Variants in ITPR1 observed in about 807,000 individuals in gnomAD.
ITPR1 encodes the protein inositol 1,4,5-trisphosphate-gated calcium channel ITPR1.
ITPR1 carries 96 observed loss-of-function variants against 318.4 expected under a neutral mutation model. The observed-to-expected ratio is 0.30, with a 90% CI of 0.26 to 0.36. ITPR1 has a LOEUF of 0.36. ITPR1 is among the 10% of genes least tolerant of loss of function. The pLI, the probability that ITPR1 is intolerant of heterozygous loss-of-function variation, is 1.00. For synonymous variants in ITPR1, 1,312 were observed against 1,289.9 expected (o/e 1.02, Z -0.37); for missense variants, 2,440 against 3,460.2 (o/e 0.71, Z 7.40).
chr3:4,675,389 CTG>C (rs1235111049), intron 23 of ITPR1, 141 bp downstream of exon 23: 2 of 627,546 alleles, frequency 3.2e-6, no homozygotes, highest in African/African-American at 3.8e-5. Flanking sequence ...TTTTCAAATA[CTG>C]TGTAAAGAAA....
chr3:4,755,288 G>A (rs1035451837), intron 44 of ITPR1, among the ~76,000 whole-genome samples: 1 of 151,542 alleles, frequency 6.6e-6, no homozygotes, highest in Admixed American at 6.6e-5. Context: ...CTGCTTACCA[G>A]ATAGGGCAGA....
Position 4,676,813 on chromosome 3 carries a change from C to T in ITPR1, c.2967+12C>T. The T allele has an allele frequency of 1.2e-6, 2 of 1,604,722 alleles. No homozygotes were observed. The highest frequency in any genetic ancestry group is 1.7e-6 in the Non-Finnish European group (2 of 1,174,138). The stretch of plus-strand genomic sequence containing the variant: ...TTGAGATACTCCAGGTATCCACTAG[C>T]TGGAGCTGGGGTAGGGAGGGTATGT... On this transcript the variant is annotated intron_variant, in intron 24 of 61. Coordinates refer to ENST00000649015, the MANE Select transcript of ITPR1 (RefSeq NM_001378452.1).
chr3:4,542,051 G>T (rs540065828), intron 4 of ITPR1, among the ~76,000 whole-genome samples: 2 of 152,096 alleles, frequency 1.3e-5, no homozygotes, highest in African/African-American at 2.4e-5. Flanking sequence ...TTCATTGAGA[G>T]TTTAATTTGA....
intron 18 of ITPR1, among the ~76,000 whole-genome samples, chr3:4,668,654 G>C (rs1386801989): frequency 6.6e-6 from 1 of 152,080 alleles, no homozygotes; most frequent in East Asian, 1.9e-4. Context: ...TTTTAATAGA[G>C]ACGGGGTTTC....
chr3:4,781,734 G>A (rs2125396564), intron 49 of ITPR1, among the ~76,000 whole-genome samples: 1 of 152,306 alleles, frequency 6.6e-6, no homozygotes, highest in South Asian at 2.1e-4. Context: ...TGTAATTGCA[G>A]CACTTTGGGA....
chr3:4,688,927 C>T (rs193149368), intron 31 of ITPR1, among the ~76,000 whole-genome samples: 1 of 152,200 alleles, frequency 6.6e-6, no homozygotes, highest in Non-Finnish European at 1.5e-5. Context: ...CTAAATGTCT[C>T]TCCTGCCACC....
intron 35 of ITPR1, among the ~76,000 whole-genome samples, chr3:4,701,369 T>C (rs528091437): frequency 1.3e-5 from 2 of 152,292 alleles, no homozygotes; most frequent in East Asian, 3.9e-4. Flanking sequence ...TAGGAAGTGC[T>C]GGGGGTAAAT....
chr3:4,636,540 T>G (rs1444835893), intron 5 of ITPR1, among the ~76,000 whole-genome samples: 1 of 152,202 alleles, frequency 6.6e-6, no homozygotes, highest in East Asian at 1.9e-4. Context: ...GTGATTCTCC[T>G]GCCTCAGCCT....
intron 61 of ITPR1, among the ~76,000 whole-genome samples, chr3:4,844,111 G>A (rs569538653): frequency 2.8e-5 from 4 of 143,024 alleles, no homozygotes; most frequent in African/African-American, 1.0e-4. Flanking sequence ...AATAAGGGTT[G>A]AGCAGACCAA....
chr3:4,671,700 A>T (rs1207368825), intron 20 of ITPR1: 1 of 152,262 alleles, frequency 6.6e-6, no homozygotes, highest in African/African-American at 2.4e-5. Context: ...GAACCAATTA[A>T]TACTTTTAAA....
At chr3:4,510,211 C>A (rs1231064239) in intron 2 of ITPR1, among the ~76,000 whole-genome samples, 2 of 152,000 alleles carry the variant, frequency 1.3e-5, no homozygotes, top group Non-Finnish European at 2.9e-5. Context: ...GGGAACAGAG[C>A]ATGGTGGGGG....
rs1250013590 is a variant in ITPR1, at chr3:4,670,929, G to A, written c.2204+3G>A. 2 of 1,557,460 alleles carry A rather than the reference G, an allele frequency of 1.3e-6. No homozygotes were observed. The highest frequency in any genetic ancestry group is 2.3e-5 in the East Asian group (1 of 44,044). On this transcript the variant is annotated splice_donor_region_variant and intron_variant, in intron 20 of 61. Coordinates refer to ENST00000649015, the MANE Select transcript of ITPR1 (RefSeq NM_001378452.1). ...CGAGACGTTCTCAGCTACTACAGGTGCGTGGGACACGTGTGGGGCTCAGAT... is the reference window on the plus strand; with the variant it reads ...CGAGACGTTCTCAGCTACTACAGGTACGTGGGACACGTGTGGGGCTCAGAT...
chr3:4,806,152 C>T lies in ITPR1; in HGVS notation c.7157C>T (p.Thr2386Ile). The T allele has an allele frequency of 6.2e-7, 1 of 1,613,788 alleles. No homozygotes were observed. The highest frequency in any genetic ancestry group is 8.5e-7 in the Non-Finnish European group (1 of 1,179,698). ...ATGAGCTTTGTGGGCAACTGTGGGACATTCACAAGAGGCTACCGAGCCATG... is the reference window on the plus strand; with the variant it reads ...ATGAGCTTTGTGGGCAACTGTGGGATATTCACAAGAGGCTACCGAGCCATG... ...FLMSFVGNCGTFTRGYRAMVL... is the reference protein window; with the variant it reads ...FLMSFVGNCGIFTRGYRAMVL... The change falls in exon 55 of 62, where the codon ACA becomes ATA. Residue 2386 changes from threonine to isoleucine, a missense_variant. By Grantham distance (89) the Thr-to-Ile change is moderately conservative. Coordinates refer to ENST00000649015, the MANE Select transcript of ITPR1 (RefSeq NM_001378452.1).
At chr3:4,535,257 TA>T (rs1487091466) in intron 4 of ITPR1, among the ~76,000 whole-genome samples, 3 of 152,074 alleles carry the variant, frequency 2.0e-5, no homozygotes, top group African/African-American at 7.2e-5. Context: ...GGAATGAATT[TA>T]TACAGCTTGC....
intron 12 of ITPR1, among the ~76,000 whole-genome samples, chr3:4,655,217 A>C (rs2093679196): frequency 6.6e-6 from 1 of 152,168 alleles, no homozygotes; most frequent in African/African-American, 2.4e-5. Context: ...CTGTGTGGCC[A>C]ACATCTGGTG....
At chr3:4,713,256 C>A in intron 39 of ITPR1, among the ~76,000 whole-genome samples, 1 of 152,100 alleles carries the variant, frequency 6.6e-6, no homozygotes, top group African/African-American at 2.4e-5. Context: ...AAGGTTAAAT[C>A]CACCAAAGCT....
chr3:4,769,095 T>C (rs1021673023), intron 46 of ITPR1, among the ~76,000 whole-genome samples: 1 of 152,024 alleles, frequency 6.6e-6, no homozygotes, highest in Non-Finnish European at 1.5e-5. Flanking sequence ...AGATGGGTTT[T>C]CATCATGTTG....
intron 60 of ITPR1, among the ~76,000 whole-genome samples, chr3:4,827,297 C>T: frequency 6.6e-6 from 1 of 152,160 alleles, no homozygotes; most frequent in East Asian, 1.9e-4. Flanking sequence ...CCTGTGTATT[C>T]TAAATATTGA....
chr3:4,738,102 T>G (rs1181290727), intron 44 of ITPR1, among the ~76,000 whole-genome samples: 1 of 152,090 alleles, frequency 6.6e-6, no homozygotes, highest in Non-Finnish European at 1.5e-5. Context: ...GAAAAATAAC[T>G]AATGGGTACT....
Sources: allele counts gnomAD v4.1 joint callset (sites outside exome capture counted in the v4.1 genomes callset), GRCh38; gene constraint gnomAD v4.1.1; transcripts MANE v1.5; gene names NCBI Gene and HGNC (gene_info 2026-07-23, HGNC 2026-07-21).